Variants in MFSD2A observed in about 807,000 individuals in gnomAD.
MFSD2A encodes MFSD2 lysolipid transporter A, lysophospholipid.
A neutral mutation model predicts 64.7 loss-of-function variants in MFSD2A; 27 were observed. That is an observed-to-expected ratio of 0.42 (90% CI 0.31 to 0.58). MFSD2A has a LOEUF of 0.58. Ranked by LOEUF, MFSD2A falls within the 20% of genes least tolerant of loss-of-function variation. The pLI, the probability that MFSD2A is intolerant of heterozygous loss-of-function variation, is 0.18. For synonymous variants in MFSD2A, 258 were observed against 273.4 expected (o/e 0.94, Z 0.55); for missense variants, 474 against 679.5 (o/e 0.70, Z 3.36).
In MFSD2A at chr1:39,957,116, G is replaced by T; in HGVS notation, c.123G>T (p.Leu41Phe). 6.2e-7 allele frequency: 1 copy of T among 1,614,090 alleles called. No homozygotes were observed. Among genetic ancestry groups the T allele is most frequent in the Non-Finnish European group, 8.5e-7 (1 of 1,180,010 alleles). The part of the protein sequence containing the change: ...KKEPKKKKQQ[L>F]SVCNKLCYAL... ...AACCGAAAAAGAAGAAACAACAGTTGTCTGTTTGCAACAAGCTTTGCTATG... is the reference window on the plus strand; with the variant it reads ...AACCGAAAAAGAAGAAACAACAGTTTTCTGTTTGCAACAAGCTTTGCTATG... The change falls in exon 2 of 14, where the codon TTG becomes TTT. Residue 41 changes from leucine (L) to phenylalanine (F), a missense_variant. Physicochemically the swap from Leu to Phe is conservative, Grantham distance 22 (BLOSUM62 0). Coordinates refer to ENST00000372811, the MANE Select transcript of MFSD2A (RefSeq NM_032793.5).
At chr1:39,962,532 C>T in intron 3 of MFSD2A, 1 of 585,058 alleles carries the variant, frequency 1.7e-6, no homozygotes. Context: ...AGCTTCTTCT[C>T]CGAGAAAACA....
In MFSD2A at chr1:39,964,213, T is replaced by C. The variant is rs1368569583; in HGVS notation, c.354-998T>C. 6.6e-6 allele frequency: 1 copy of C among 152,246 alleles called. No individual in the cohort carries two copies. The highest frequency in any genetic ancestry group is 1.5e-5 in the Non-Finnish European group (1 of 68,036). The allele number at this position is 152,246 out of a possible 1,614,324, so 9.4% of individuals were successfully genotyped here. A position where few individuals can be genotyped will look rare whatever the true frequency, so the allele number is the denominator to read the frequency against. On this transcript the variant is annotated intron_variant, in intron 3 of 13. Transcript: ENST00000372811. This position sits in a 1 kb window ranked among gnomAD's most constrained non-coding sequence, Gnocchi z 4.1. Reference sequence around the variant, plus strand: ...TTTATTCCTTATGAAGGTTGAATGGTATATATAACTTTTAAATTATGTCAA... The same window carrying C: ...TTTATTCCTTATGAAGGTTGAATGGCATATATAACTTTTAAATTATGTCAA...
Position 39,965,126 on chromosome 1 carries a change from G to C in MFSD2A, c.354-85G>C. On this transcript the variant is annotated intron_variant, in intron 3 of 13. Coordinates refer to ENST00000372811, the MANE Select transcript of MFSD2A (RefSeq NM_032793.5). This position sits in a 1 kb window ranked among gnomAD's most constrained non-coding sequence, Gnocchi z 5.5. The stretch of plus-strand genomic sequence containing the variant: ...AAGAGCTTAGCTTCCTTCCCTGTGG[G>C]GACCCTGTGAGGCACAGCAGACTGG... The C allele has an allele frequency of 6.4e-7, 1 of 1,568,374 alleles. No homozygotes were observed. Among genetic ancestry groups the C allele is most frequent in the Non-Finnish European group, 8.7e-7 (1 of 1,149,850 alleles).
At chr1:39,962,686 G>T in intron 3 of MFSD2A, 2 of 777,590 alleles carry the variant, frequency 2.6e-6, no homozygotes, top group Middle Eastern at 6.9e-4. Context: ...CCGGGCCGAA[G>T]CTGCGGAGCT....
chr1:39,964,979 C>T lies in MFSD2A; in HGVS notation c.354-232C>T. 2 of 585,608 alleles carry T rather than the reference C, an allele frequency of 3.4e-6. No individual in the cohort carries two copies. The highest frequency in any genetic ancestry group is 4.1e-5 in the South Asian group (2 of 48,742). The allele number at this position is 585,608 out of a possible 1,614,324, so 36.3% of individuals were successfully genotyped here. A position where few individuals can be genotyped will look rare whatever the true frequency, so the allele number is the denominator to read the frequency against. On this transcript the variant is annotated intron_variant, in intron 3 of 13. Transcript: ENST00000372811. This position sits in a 1 kb window ranked among gnomAD's most constrained non-coding sequence, Gnocchi z 4.1. The stretch of plus-strand genomic sequence containing the variant: ...GGACTAGACTCAGGCTCTGACCTCA[C>T]ACTCCATGCCTAGGATTTCAGTCTG...
Position 39,965,495 on chromosome 1 carries a change from C to T in MFSD2A, c.502C>T (p.Leu168Phe), listed in dbSNP as rs369322802. The T allele has an allele frequency of 1.9e-6, 3 of 1,614,086 alleles. No individual in the cohort carries two copies. In the Admixed American group the frequency reaches 5.0e-5, roughly 27 times the overall value. Residue 168 changes from leucine (L) to phenylalanine (F), a missense_variant, in exon 5 of 14, where the codon CTC becomes TTC. Leu to Phe is a conservative substitution (Grantham distance 22, BLOSUM62 0). Coordinates refer to ENST00000372811, the MANE Select transcript of MFSD2A (RefSeq NM_032793.5). This position sits in a 1 kb window ranked among gnomAD's most constrained non-coding sequence, Gnocchi z 5.5. Reference protein sequence around the residue: ...VTCFHVPYSALTMFISTEQTE... With the variant: ...VTCFHVPYSAFTMFISTEQTE... ...GTGTTTCCATGTTCCCTACTCGGCTCTCACCATGTTCATCAGCACCGAGCA... is the reference window on the plus strand; with the variant it reads ...GTGTTTCCATGTTCCCTACTCGGCTTTCACCATGTTCATCAGCACCGAGCA...
Position 39,958,373 on chromosome 1 carries a change from C to G in MFSD2A, c.229-328C>G, listed in dbSNP as rs981579477. On this transcript the variant is annotated intron_variant, in intron 2 of 13. Transcript: ENST00000372811. This position sits in a 1 kb window ranked among gnomAD's most constrained non-coding sequence, Gnocchi z 4.7. ...AATGCTCATTCTGATATCAGGTGGTCAGGAGCTCAGGGCTGAGAGAGGGAG... is the reference window on the plus strand; with the variant it reads ...AATGCTCATTCTGATATCAGGTGGTGAGGAGCTCAGGGCTGAGAGAGGGAG... Among the ~76,000 whole-genome samples, 2 of 152,058 alleles carry G rather than the reference C, an allele frequency of 1.3e-5. No homozygotes were observed. The highest frequency in any genetic ancestry group is 2.9e-5 in the Non-Finnish European group (2 of 68,020).
rs1409787904 is a variant in MFSD2A at position 39,969,559 on chromosome 1, C to T, written c.1584C>T (p.Ser528=). ...AAACAGACTCCACAGAGCTGGCTAG[C>T]ATCCTCTAGGGCCCGCCACGTTGCC... is the stretch of plus-strand genomic sequence containing the variant. ...CSETDSTELA[S]IL Residue 528 remains serine (S), a synonymous_variant, in exon 14 of 14, where the codon AGC becomes AGT. Transcript: ENST00000372811. The T allele has an allele frequency of 1.1e-5, 17 of 1,608,296 alleles. No homozygotes were observed. The highest frequency in any genetic ancestry group is 1.4e-5 in the Non-Finnish European group (17 of 1,177,592).
intron 7 of MFSD2A, 27 bp from the exon 8 acceptor site, chr1:39,966,784 T>G: frequency 6.2e-7 from 1 of 1,614,084 alleles, no homozygotes; most frequent in Non-Finnish European, 8.5e-7. Flanking sequence ...TCTCTGCTCC[T>G]TCCTCACTGT....
At position 39,957,238 on chromosome 1, in the gene MFSD2A, T is replaced by C. The variant is rs1205340776; in HGVS notation, c.228+17T>C. 6.5e-7 allele frequency: 1 copy of C among 1,531,442 alleles called. No individual in the cohort carries two copies. Among genetic ancestry groups the C allele is most frequent in the African/African-American group, 1.4e-5 (1 of 71,440 alleles). 94.9% of individuals were successfully genotyped at this position (1,531,442 alleles called of 1,614,324 possible). A position where few individuals can be genotyped will look rare whatever the true frequency, so the allele number is the denominator to read the frequency against. Reference sequence around the variant, plus strand: ...GTGGCTCAGGTGAGTGGTCTAAGCCTTCGAGGGCTCCTTCAGCATCCTGAG... The same window carrying C: ...GTGGCTCAGGTGAGTGGTCTAAGCCCTCGAGGGCTCCTTCAGCATCCTGAG... On this transcript the variant is annotated intron_variant, in intron 2 of 13. Coordinates refer to ENST00000372811, the MANE Select transcript of MFSD2A (RefSeq NM_032793.5).
In MFSD2A at chr1:39,963,176, C is replaced by T. The variant is rs368814513; in HGVS notation, c.354-2035C>T. ...CTGGCATCGTCTCCACACCTGTGCC[C>T]AAGAAGCTGCTCATGATGGCTGGTA... On this transcript the variant is annotated intron_variant, in intron 3 of 13. Coordinates refer to ENST00000372811, the MANE Select transcript of MFSD2A (RefSeq NM_032793.5). This position sits in a 1 kb window ranked among gnomAD's most constrained non-coding sequence, Gnocchi z 4.2. 10 of 1,540,934 alleles carry T rather than the reference C, an allele frequency of 6.5e-6. No homozygotes were observed. Among genetic ancestry groups the T allele is most frequent in the East Asian group, 2.3e-5 (1 of 44,368 alleles).
chr1:39,963,309 C>G lies in MFSD2A; in HGVS notation c.354-1902C>G. 12 of 1,296,274 alleles carry G rather than the reference C, an allele frequency of 9.3e-6. No homozygotes were observed. Among genetic ancestry groups the G allele is most frequent in the Non-Finnish European group, 1.2e-5 (11 of 917,852 alleles). The allele number at this position is 1,296,274 out of a possible 1,614,324, so 80.3% of individuals were successfully genotyped here. The stretch of plus-strand genomic sequence containing the variant: ...GACCTACAGCTACCTGACCCCCGAC[C>G]TCTGGAAGGAGACTGTATTCACCAA... On this transcript the variant is annotated intron_variant, in intron 3 of 13. Transcript: ENST00000372811. This position sits in a 1 kb window ranked among gnomAD's most constrained non-coding sequence, Gnocchi z 4.2.
Position 39,968,338 on chromosome 1 carries a change from A to G in MFSD2A, c.1213A>G (p.Met405Val). Residue 405 changes from methionine to valine, a missense_variant, in exon 12 of 14, where the codon ATG (methionine) becomes GTG (valine). Physicochemically the swap from Met to Val is conservative, Grantham distance 21. Coordinates refer to ENST00000372811, the MANE Select transcript of MFSD2A (RefSeq NM_032793.5). The surrounding 1 kb of genome is among the most constrained non-coding windows in gnomAD (Gnocchi z 4.4). ...GGCTGTCACTACTCTGCGCAGGTCC[A>G]TGCTGCCTGATGTCATTGACGACTT... ...VAAAFLLPWSMLPDVIDDFHL... is the reference protein window; with the variant it reads ...VAAAFLLPWSVLPDVIDDFHL... The G allele has an allele frequency of 6.2e-7, 1 of 1,614,146 alleles. No individual in the cohort carries two copies. The highest frequency in any genetic ancestry group is 1.1e-5 in the South Asian group (1 of 91,082).
intron 2 of MFSD2A, 101 bp downstream of exon 2, chr1:39,957,322 G>T: frequency 7.9e-7 from 1 of 1,261,364 alleles, no homozygotes; most frequent in South Asian, 1.6e-5. Context: ...CTGTGAAATG[G>T]GACCCCAAAT....
chr1:39,958,865 A>C lies in MFSD2A; in HGVS notation c.353+40A>C. ...CCCCTTCGAGGTGGCACAAGGCAGG[A>C]CTTCCAGCATATCTGCTCCTTGGTC... On this transcript the variant is annotated intron_variant, in intron 3 of 13. Coordinates refer to ENST00000372811, the MANE Select transcript of MFSD2A (RefSeq NM_032793.5). This position sits in a 1 kb window ranked among gnomAD's most constrained non-coding sequence, Gnocchi z 4.7. The C allele has an allele frequency of 6.5e-7, 1 of 1,545,782 alleles. No individual in the cohort carries two copies.
rs774454580 is a variant in MFSD2A at position 39,955,324 on chromosome 1, C to T, written c.32C>T (p.Ser11Phe). 1.4e-6 allele frequency: 2 copies of T among 1,446,500 alleles called. No individual in the cohort carries two copies. Among genetic ancestry groups the T allele is most frequent in the Non-Finnish European group, 9.1e-7 (1 of 1,097,668 alleles). The allele number at this position is 1,446,500 out of a possible 1,614,324, so 89.6% of individuals were successfully genotyped here. A position where few individuals can be genotyped will look rare whatever the true frequency, so the allele number is the denominator to read the frequency against. The part of the protein sequence containing the change: MAKGEGAESG[S>F]AAGLLPTSIL... ...AAAGGAGAAGGCGCCGAGAGCGGCT[C>T]CGCGGCGGGGCTGCTACCCACCAGC... is the stretch of plus-strand genomic sequence containing the variant. The change falls in exon 1 of 14, where the codon TCC (serine) becomes TTC (phenylalanine). Residue 11 changes from serine to phenylalanine, a missense_variant. By Grantham distance (155) the Ser-to-Phe change is radical. Transcript: ENST00000372811. This position sits in a 1 kb window ranked among gnomAD's most constrained non-coding sequence, Gnocchi z 5.9.
chr1:39,962,300 T>C (rs1645061150), intron 3 of MFSD2A, among the ~76,000 whole-genome samples: 1 of 152,148 alleles, frequency 6.6e-6, no homozygotes, highest in Admixed American at 6.5e-5. Flanking sequence ...AAAGGCCAAC[T>C]CCCTCCTCTC....
chr1:39,969,558 G>T lies in MFSD2A; in HGVS notation c.1583G>T (p.Ser528Ile). ...CSETDSTELA[S>I]IL ...GAAACAGACTCCACAGAGCTGGCTA[G>T]CATCCTCTAGGGCCCGCCACGTTGC... Residue 528 changes from serine (S) to isoleucine (I), a missense_variant, in exon 14 of 14, where the codon AGC becomes ATC. Physicochemically the swap from Ser to Ile is moderately radical, Grantham distance 142. Transcript: ENST00000372811. 6.2e-7 allele frequency: 1 copy of T among 1,608,204 alleles called. No homozygotes were observed. The highest frequency in any genetic ancestry group is 2.3e-5 in the East Asian group (1 of 44,278).
At chr1:39,961,256 G>A (rs1197863664) in intron 3 of MFSD2A, among the ~76,000 whole-genome samples, 2 of 147,746 alleles carry the variant, frequency 1.4e-5, no homozygotes, top group Non-Finnish European at 3.0e-5. Context: ...TGGGCCTCAG[G>A]GCAACCCCTG....
Sources: allele counts gnomAD v4.1 joint callset (sites outside exome capture counted in the v4.1 genomes callset), GRCh38; gene constraint gnomAD v4.1.1; non-coding constraint Gnocchi (gnomAD v3.1); transcripts MANE v1.5; gene names NCBI Gene and HGNC (gene_info 2026-07-23, HGNC 2026-07-21).